Variants in GPC6 observed in about 807,000 individuals in gnomAD.
GPC6 encodes the protein glypican-6.
GPC6 carries 14 observed loss-of-function variants against 55.2 expected under a neutral mutation model. That is an observed-to-expected ratio of 0.25 (90% CI 0.17 to 0.40). GPC6 has a LOEUF of 0.40. Among genes scored for constraint, GPC6 ranks in the 10% least tolerant of loss-of-function variants. GPC6 has a pLI of 1.00. For synonymous variants in GPC6, 278 were observed against 259.6 expected (o/e 1.07, Z -0.68); for missense variants, 641 against 708.5 (o/e 0.90, Z 1.08).
intron 4 of GPC6, among the ~76,000 whole-genome samples, chr13:94,171,329 G>A (rs1453343370): frequency 6.6e-6 from 1 of 152,096 alleles, no homozygotes; most frequent in African/African-American, 2.4e-5. Flanking sequence ...ACTTTTTATG[G>A]TATGTTTATG....
intron 2 of GPC6, among the ~76,000 whole-genome samples, chr13:93,786,328 G>C (rs933204169): frequency 5.3e-5 from 8 of 152,132 alleles, no homozygotes; most frequent in African/African-American, 1.9e-4. Context: ...ACTACTCCCT[G>C]TAGCTTGTTT....
intron 4 of GPC6, among the ~76,000 whole-genome samples, chr13:94,155,416 C>A (rs1184130289): frequency 6.6e-6 from 1 of 152,176 alleles, no homozygotes; most frequent in African/African-American, 2.4e-5. Flanking sequence ...TTTTCCACAG[C>A]TTTCATTCAA....
intron 2 of GPC6, among the ~76,000 whole-genome samples, chr13:93,803,081 G>A (rs1039942957): frequency 4.6e-5 from 7 of 152,088 alleles, no homozygotes; most frequent in African/African-American, 7.2e-5. Context: ...TGTTTAACCC[G>A]TCCTAGAGCA....
chr13:93,952,710 T>G (rs1879306604), intron 3 of GPC6, among the ~76,000 whole-genome samples: 1 of 151,254 alleles, frequency 6.6e-6, no homozygotes, highest in Non-Finnish European at 1.5e-5. Flanking sequence ...TGAGAGTATA[T>G]ATATTCACCT....
chr13:93,275,621 A>G (rs921412510), intron 1 of GPC6, among the ~76,000 whole-genome samples: 1 of 152,176 alleles, frequency 6.6e-6, no homozygotes, highest in Non-Finnish European at 1.5e-5. Flanking sequence ...CTTGGCCTGC[A>G]GATGGCTGCC....
intron 4 of GPC6, among the ~76,000 whole-genome samples, chr13:94,100,724 T>C (rs72645932): frequency 0.02 from 3,000 of 147,972 alleles, 54 homozygotes; most frequent in Non-Finnish European, 0.029. Flanking sequence ...TAGTGGGTGA[T>C]AGAAAGTAGC....
At chr13:94,235,864 T>C in intron 4 of GPC6, among the ~76,000 whole-genome samples, 1 of 152,154 alleles carries the variant, frequency 6.6e-6, no homozygotes, top group East Asian at 1.9e-4. Flanking sequence ...AGAGATTCGC[T>C]GAGAATATTG....
rs535159294 is a variant in GPC6, at chr13:94,302,601, T to G, written c.1009-3379T>G. On this transcript the variant is annotated intron_variant, in intron 5 of 8. Coordinates refer to ENST00000377047, the MANE Select transcript of GPC6 (RefSeq NM_005708.5). Reference sequence around the variant, plus strand: ...TCTCAGTATAAGACTAATACAAAAGTTTTTTTATCATTTCTAAGCAAAAAC... The same window carrying G: ...TCTCAGTATAAGACTAATACAAAAGGTTTTTTATCATTTCTAAGCAAAAAC... Among the ~76,000 whole-genome samples, 36 of 145,762 alleles carry G rather than the reference T, an allele frequency of 2.5e-4. No individual in the cohort carries two copies. The South Asian group carries it at 7.2e-3, about 29-fold the overall frequency.
At chr13:93,562,607 A>G (rs2139460671) in intron 2 of GPC6, among the ~76,000 whole-genome samples, 1 of 152,130 alleles carries the variant, frequency 6.6e-6, no homozygotes, top group South Asian at 2.1e-4. Flanking sequence ...TTTTTACCCC[A>G]CTCATATTAC....
intron 2 of GPC6, among the ~76,000 whole-genome samples, chr13:93,718,930 C>T (rs937821650): frequency 2.0e-5 from 3 of 151,900 alleles, no homozygotes; most frequent in Non-Finnish European, 4.4e-5. Context: ...CTGTTCTATT[C>T]CATTGTTCTA....
chr13:93,517,009 T>G (rs1014464671), intron 1 of GPC6, among the ~76,000 whole-genome samples: 2 of 152,192 alleles, frequency 1.3e-5, no homozygotes, highest in Non-Finnish European at 2.9e-5. Context: ...AGCTCTCTCT[T>G]GCTAGAAAAG....
chr13:93,421,077 G>A (rs1356468026), intron 1 of GPC6, among the ~76,000 whole-genome samples: 19 of 152,148 alleles, frequency 1.2e-4, no homozygotes, highest in Admixed American at 1.2e-3. Flanking sequence ...GTGTCTGGAG[G>A]ATTGAGTGAC....
Position 94,066,107 on chromosome 13 carries a change from A to G in GPC6, c.877+38213A>G, listed in dbSNP as rs529348007. On this transcript the variant is annotated intron_variant, in intron 4 of 8. Coordinates refer to ENST00000377047, the MANE Select transcript of GPC6 (RefSeq NM_005708.5). ...TGGTGCTCAGTGAATTAAAATAGAC[A>G]GTATAAATTAATTTTGTGAATAAAA... Among the ~76,000 whole-genome samples the G allele has an allele frequency of 2.0e-5, 3 of 152,332 alleles. No homozygotes were observed. In the South Asian group the frequency reaches 6.2e-4, roughly 32 times the overall value.
chr13:93,958,005 A>C (rs1879584898), intron 3 of GPC6, among the ~76,000 whole-genome samples: 1 of 152,146 alleles, frequency 6.6e-6, no homozygotes, highest in African/African-American at 2.4e-5. Flanking sequence ...GGCTGCTTGC[A>C]TGTCTTCTTT....
intron 1 of GPC6, among the ~76,000 whole-genome samples, chr13:93,333,617 C>T (rs2139140055): frequency 6.6e-6 from 1 of 150,968 alleles, no homozygotes; most frequent in African/African-American, 2.4e-5. Context: ...ACTGCCACCT[C>T]TACCTCCTGG....
chr13:93,498,967 T>C (rs948469446), intron 1 of GPC6, among the ~76,000 whole-genome samples: 2 of 152,192 alleles, frequency 1.3e-5, no homozygotes, highest in African/African-American at 2.4e-5. Context: ...ATAGAAAGCC[T>C]TGTGTTTTAA....
At chr13:94,287,957 G>T (rs994474248) in intron 5 of GPC6, among the ~76,000 whole-genome samples, 1 of 152,150 alleles carries the variant, frequency 6.6e-6, no homozygotes, top group East Asian at 1.9e-4. Flanking sequence ...GTTTCCATTG[G>T]TGCGTGTGCA....
intron 4 of GPC6, among the ~76,000 whole-genome samples, chr13:94,189,058 T>C (rs1290806777): frequency 1.3e-5 from 2 of 152,208 alleles, no homozygotes; most frequent in East Asian, 3.8e-4. Context: ...AGGCTTCACC[T>C]TATATCACCC....
At chr13:93,890,015 A>C (rs2140316971) in intron 3 of GPC6, among the ~76,000 whole-genome samples, 1 of 152,278 alleles carries the variant, frequency 6.6e-6, no homozygotes, top group South Asian at 2.1e-4. Context: ...TGGCTTTTGC[A>C]GAGAAACCAA....
Sources: gnomAD v4.1 joint callset for allele counts (sites outside exome capture counted in the v4.1 genomes callset) on GRCh38, gnomAD v4.1.1 for gene constraint, MANE v1.5 for transcripts, NCBI Gene and HGNC (gene_info 2026-07-23, HGNC 2026-07-21) for gene names.